The following PIAS4 variants were observed in gnomAD, a reference collection of about 807,000 sequenced individuals.
The protein encoded by PIAS4 is E3 SUMO-protein ligase PIAS4.
Under a neutral mutation model 58.0 loss-of-function variants are expected in PIAS4, and 7 were observed. The observed-to-expected ratio is 0.12, with a 90% confidence interval of 0.07 to 0.23. The LOEUF is 0.23. PIAS4 is among the 10% of genes least tolerant of loss of function. The pLI is 1.00. For missense variants in PIAS4, 550 were observed against 709.5 expected (o/e 0.78, Z 2.55); for synonymous variants, 364 against 312.4 (o/e 1.17, Z -1.74).
At chr19:4,026,073 C>CAAAAAAAA (rs34554020) in intron 3 of PIAS4, among the ~76,000 whole-genome samples, 17 of 76,802 alleles carry the variant, frequency 2.2e-4, no homozygotes, top group African/African-American at 9.7e-4. Context: ...GACTCCGTCT[C>CAAAAAAAA]AAAAAAAAAA....
chr19:4,036,911 C>T (rs565974076), intron 9 of PIAS4, among the ~76,000 whole-genome samples: 11 of 151,606 alleles, frequency 7.3e-5, no homozygotes, highest in Admixed American at 2.7e-4. Context: ...TCCATTCACA[C>T]GTGTGTACAC....
Position 4,038,310 on chromosome 19 carries a change from C to T in PIAS4, c.*435C>T, listed in dbSNP as rs2040325754. 1 of 153,254 alleles carries T rather than the reference C, an allele frequency of 6.5e-6. No individual in the cohort carries two copies. The highest frequency in any genetic ancestry group is 1.5e-5 in the Non-Finnish European group (1 of 68,934). 9.5% of individuals were successfully genotyped at this position (153,254 alleles called of 1,614,324 possible). On this transcript the variant is annotated 3_prime_UTR_variant, in exon 11 of 11. Coordinates refer to ENST00000262971, the MANE Select transcript of PIAS4 (RefSeq NM_015897.4). This position sits in a 1 kb window ranked among gnomAD's most constrained non-coding sequence, Gnocchi z 4.1. ...GGCGGCGGGCGGTGGGGCGCAGCCCCTCTCTGGCGACCACTTTGACGTTTG... is the reference window on the plus strand; with the variant it reads ...GGCGGCGGGCGGTGGGGCGCAGCCCTTCTCTGGCGACCACTTTGACGTTTG...
chr19:4,010,414 C>T (rs1467961032), intron 1 of PIAS4, among the ~76,000 whole-genome samples: 1 of 152,278 alleles, frequency 6.6e-6, no homozygotes, highest in African/African-American at 2.4e-5. Context: ...GAAGTGTCCA[C>T]ATGACATCGT....
intron 2 of PIAS4, among the ~76,000 whole-genome samples, chr19:4,023,100 A>G (rs547331804): frequency 1.4e-5 from 2 of 147,340 alleles, no homozygotes; most frequent in East Asian, 4.0e-4. Flanking sequence ...TGAACCCAGG[A>G]GGTGGAGGTT....
chr19:4,009,867 C>T (rs962852615), intron 1 of PIAS4, among the ~76,000 whole-genome samples: 12 of 152,112 alleles, frequency 7.9e-5, no homozygotes, highest in East Asian at 7.7e-4. Context: ...GGCCTGCAGG[C>T]GGGTTTGGGG....
rs921063549 is a variant in PIAS4, at chr19:4,037,940, G to A, written c.*65G>A. Reference sequence around the variant, plus strand: ...AGAGGGGCACGGGCCAGCCTCGGGCGCAGAGGGAGGAGTGACCTTTCTTTT... The same window carrying A: ...AGAGGGGCACGGGCCAGCCTCGGGCACAGAGGGAGGAGTGACCTTTCTTTT... On this transcript the variant is annotated 3_prime_UTR_variant, in exon 11 of 11. Coordinates refer to ENST00000262971, the MANE Select transcript of PIAS4 (RefSeq NM_015897.4). The surrounding 1 kb of genome is among the most constrained non-coding windows in gnomAD (Gnocchi z 5.8). The A allele has an allele frequency of 1.6e-5, 24 of 1,473,264 alleles. No individual in the cohort carries two copies. Among genetic ancestry groups the A allele is most frequent in the East Asian group, 4.8e-5 (2 of 41,686 alleles). 91.3% of individuals were successfully genotyped at this position (1,473,264 alleles called of 1,614,324 possible).
Position 4,036,703 on chromosome 19 carries a change from A to G in PIAS4, c.1143-671A>G, listed in dbSNP as rs578138699. Among the ~76,000 whole-genome samples the G allele has an allele frequency of 1.6e-3, 216 of 131,594 alleles. 20 individuals are homozygous for G. Among genetic ancestry groups the G allele is most frequent in the African/African-American group, 6.5e-3 (171 of 26,204 alleles). 86.3% of individuals were successfully genotyped at this position (131,594 alleles called of 152,430 possible). On this transcript the variant is annotated intron_variant, in intron 9 of 10. Transcript: ENST00000262971. Reference sequence around the variant, plus strand: ...GTCACACATCCATATAGTCCACACCATCATACACACACACATCTCTACAGT... The same window carrying G: ...GTCACACATCCATATAGTCCACACCGTCATACACACACACATCTCTACAGT...
At chr19:4,024,762 G>GT (rs149421334) in intron 3 of PIAS4, among the ~76,000 whole-genome samples, 35 of 149,828 alleles carry the variant, frequency 2.3e-4, no homozygotes, top group Middle Eastern at 3.4e-3. Flanking sequence ...GTGTTTTTTT[G>GT]TTTTTTTTTT....
At chr19:4,021,986 C>G (rs1356040503) in intron 2 of PIAS4, among the ~76,000 whole-genome samples, 1 of 151,904 alleles carries the variant, frequency 6.6e-6, no homozygotes, top group African/African-American at 2.4e-5. Flanking sequence ...TGGGCTCAAG[C>G]AATCCACCCA....
chr19:4,029,646 C>T (rs1237313548), intron 7 of PIAS4, among the ~76,000 whole-genome samples: 2 of 150,858 alleles, frequency 1.3e-5, no homozygotes, highest in African/African-American at 2.4e-5. Context: ...GGCTGCAGAG[C>T]GAGACTCCAC....
chr19:4,030,612 C>A (rs1461015349), intron 7 of PIAS4, among the ~76,000 whole-genome samples: 1 of 149,600 alleles, frequency 6.7e-6, no homozygotes, highest in Non-Finnish European at 1.5e-5. Context: ...GTGTGAGACT[C>A]CATCTCAAAA....
chr19:4,008,974 C>T (rs2039968685), intron 1 of PIAS4, among the ~76,000 whole-genome samples: 1 of 152,118 alleles, frequency 6.6e-6, no homozygotes, highest in Non-Finnish European at 1.5e-5. Context: ...CCATAGATAC[C>T]ATCTCCTAGC....
chr19:4,009,346 C>T (rs900089220), intron 1 of PIAS4, among the ~76,000 whole-genome samples: 1 of 152,178 alleles, frequency 6.6e-6, no homozygotes, highest in African/African-American at 2.4e-5. Context: ...GAGACTCGCC[C>T]TGGAGATGTG....
intron 7 of PIAS4, among the ~76,000 whole-genome samples, chr19:4,032,118 C>T (rs1394279349): frequency 6.6e-6 from 1 of 152,122 alleles, no homozygotes; most frequent in African/African-American, 2.4e-5. Flanking sequence ...GGAAGTGGCT[C>T]CCAAGCGGGC....
intron 7 of PIAS4, among the ~76,000 whole-genome samples, chr19:4,030,982 C>T (rs191960085): frequency 3.3e-5 from 5 of 152,304 alleles, no homozygotes; most frequent in Admixed American, 1.3e-4. Flanking sequence ...CTGGGCCAGC[C>T]GGGTTTGCTC....
chr19:4,035,600 T>C (rs1215482813), intron 9 of PIAS4, among the ~76,000 whole-genome samples: 3 of 152,090 alleles, frequency 2.0e-5, no homozygotes, highest in Admixed American at 2.0e-4. Flanking sequence ...TCTGCTCCCA[T>C]TGCTACCCTC....
In PIAS4 at chr19:4,013,367, G is replaced by A; in HGVS notation, c.454+18G>A. ...CGAATTAGGTGAGTGGTCACCCTGGGGAGGCTGCGACTGGAGGCTTCACCT... is the reference window on the plus strand; with the variant it reads ...CGAATTAGGTGAGTGGTCACCCTGGAGAGGCTGCGACTGGAGGCTTCACCT... On this transcript the variant is annotated intron_variant, in intron 2 of 10. Coordinates refer to ENST00000262971, the MANE Select transcript of PIAS4 (RefSeq NM_015897.4). This position sits in a 1 kb window ranked among gnomAD's most constrained non-coding sequence, Gnocchi z 5.1. The A allele has an allele frequency of 6.3e-7, 1 of 1,599,324 alleles. No individual in the cohort carries two copies. Among genetic ancestry groups the A allele is most frequent in the South Asian group, 1.1e-5 (1 of 90,190 alleles).
chr19:4,032,595 G>T (rs1337599638), intron 7 of PIAS4, among the ~76,000 whole-genome samples: 1 of 152,224 alleles, frequency 6.6e-6, no homozygotes, highest in Admixed American at 6.5e-5. Flanking sequence ...TTCCTTTAAA[G>T]AAGCAGCTAC....
chr19:4,028,331 TG>T, intron 4 of PIAS4, 144 bp downstream of exon 4: 1 of 816,040 alleles, frequency 1.2e-6, no homozygotes, highest in Non-Finnish European at 2.0e-6. Flanking sequence ...TATCCCTGTC[TG>T]GGGATACATC....
Sources: gnomAD v4.1 joint callset for allele counts (sites outside exome capture counted in the v4.1 genomes callset) on GRCh38, gnomAD v4.1.1 for gene constraint, Gnocchi (gnomAD v3.1) non-coding constraint, MANE v1.5 for transcripts, NCBI Gene and HGNC (gene_info 2026-07-23, HGNC 2026-07-21) for gene names.